Variants in DMD observed in about 807,000 individuals in gnomAD.
DMD encodes dystrophin, also known as mutant dystrophin.
A neutral mutation model predicts 330.1 loss-of-function variants in DMD; 63 were observed. The observed-to-expected ratio is 0.19, with a 90% CI of 0.16 to 0.24. DMD has a LOEUF of 0.24. Among genes scored for constraint, DMD ranks in the 10% least tolerant of loss-of-function variants. DMD has a pLI of 1.00. For missense variants in DMD, 3,344 were observed against 2,684.1 expected (o/e 1.25, Z -5.43); for synonymous variants, 1,223 against 959.8 (o/e 1.27, Z -5.07).
intron 64 of DMD, among the ~76,000 whole-genome samples, chrX:31,216,824 T>C (rs17283103): frequency 0.02 from 2,283 of 111,760 alleles, 22 homozygotes; most frequent in Middle Eastern, 0.037. Flanking sequence ...TGGTTTGTCA[T>C]GGTGAGGGCG....
chrX:32,310,491 T>C (rs1299488483), intron 41 of DMD, among the ~76,000 whole-genome samples: 3 of 111,301 alleles, frequency 2.7e-5, no homozygotes, highest in Non-Finnish European at 5.7e-5. Flanking sequence ...CATTTCATAA[T>C]AAGTGACACA....
At chrX:31,167,328 C>T (rs759412502) in intron 74 of DMD, among the ~76,000 whole-genome samples, 71 of 111,128 alleles carry the variant, frequency 6.4e-4, no homozygotes, top group Middle Eastern at 4.6e-3. Flanking sequence ...ATTAAATGAT[C>T]TAAAATATGT....
intron 1 of DMD, among the ~76,000 whole-genome samples, chrX:33,059,579 C>G (rs2094558265): frequency 9.0e-6 from 1 of 111,380 alleles, no homozygotes; most frequent in African/African-American, 3.3e-5. Flanking sequence ...TGTCAGGGAA[C>G]CCTGGGGTTG....
intron 55 of DMD, among the ~76,000 whole-genome samples, chrX:31,574,523 A>G (rs2076001456): frequency 9.0e-6 from 1 of 111,590 alleles, no homozygotes; most frequent in South Asian, 3.7e-4. Context: ...CAACAAGGAA[A>G]CTAGTGCTAT....
At position 32,287,603 on chromosome X, in the gene DMD, C is replaced by T. The variant is rs147685667; in HGVS notation, c.6216G>A (p.Val2072=). 8.3e-7 allele frequency: 1 copy of T among 1,208,592 alleles called. No individual in the cohort carries two copies. Among genetic ancestry groups the T allele is most frequent in the African/African-American group, 1.8e-5 (1 of 57,070 alleles). ...ALQSATPVER[V]KLQEALSQLD... ...GCTGGGAGAGAGCTTCCTGTAGCTTCACCCTTTCCACAGGCGTTGCACTTT... is the reference window on the plus strand; with the variant it reads ...GCTGGGAGAGAGCTTCCTGTAGCTTTACCCTTTCCACAGGCGTTGCACTTT... The change falls in exon 43 of 79, where the codon GTG becomes GTA. Residue 2072 remains valine (V), a synonymous_variant. Transcript: ENST00000357033.
chrX:32,406,744 C>G (rs1294750081), intron 30 of DMD, among the ~76,000 whole-genome samples: 1 of 110,890 alleles, frequency 9.0e-6, no homozygotes, highest in Non-Finnish European at 1.9e-5. Flanking sequence ...GCTACAGTAA[C>G]CAAAACAGCA....
intron 2 of DMD, among the ~76,000 whole-genome samples, chrX:32,974,949 G>A (rs2092496228): frequency 8.9e-6 from 1 of 111,899 alleles, no homozygotes; most frequent in Non-Finnish European, 1.9e-5. Flanking sequence ...ATGTTTACAG[G>A]CATGGGAGAG....
At chrX:31,453,708 T>G (rs1454716385) in intron 59 of DMD, among the ~76,000 whole-genome samples, 1 of 101,956 alleles carries the variant, frequency 9.8e-6, no homozygotes, top group Non-Finnish European at 2.0e-5. Context: ...TGGGAAAATG[T>G]TTCTATAATC....
chrX:32,023,003 T>G, intron 44 of DMD, among the ~76,000 whole-genome samples: 1 of 109,780 alleles, frequency 9.1e-6, no homozygotes. Flanking sequence ...CAGCTAATTT[T>G]ACTATTTTTA....
At chrX:33,304,518 T>C (rs1296422903) in intron 1 of DMD, among the ~76,000 whole-genome samples, 1 of 110,886 alleles carries the variant, frequency 9.0e-6, no homozygotes, top group Non-Finnish European at 1.9e-5. Flanking sequence ...AAGGACTTCA[T>C]GTCTAAAACA....
chrX:32,501,683 C>T, intron 19 of DMD, 72 bp downstream of exon 19: 1 of 762,118 alleles, frequency 1.3e-6, no homozygotes, highest in African/African-American at 2.0e-5. Flanking sequence ...TGATATAATT[C>T]AGCTGATAAA....
intron 44 of DMD, among the ~76,000 whole-genome samples, chrX:32,000,958 G>A (rs2095622221): frequency 9.0e-6 from 1 of 110,739 alleles, no homozygotes; most frequent in African/African-American, 3.3e-5. Flanking sequence ...TGAGCATAAT[G>A]GGTTGCATAC....
chrX:32,901,978 T>A (rs947388322), intron 2 of DMD, among the ~76,000 whole-genome samples: 1 of 110,641 alleles, frequency 9.0e-6, no homozygotes, highest in African/African-American at 3.3e-5. Context: ...ATGGATATTC[T>A]ATTTACAAAA....
chrX:33,335,019 G>A (rs1336767322), intron 1 of DMD, among the ~76,000 whole-genome samples: 2 of 110,939 alleles, frequency 1.8e-5, no homozygotes, highest in Non-Finnish European at 3.8e-5. Flanking sequence ...ACCCTCTTCT[G>A]CATTATAGCA....
At chrX:32,857,190 T>TC (rs2081646348) in intron 2 of DMD, among the ~76,000 whole-genome samples, 1 of 112,447 alleles carries the variant, frequency 8.9e-6, no homozygotes, top group Admixed American at 9.4e-5. Context: ...CCTGTATCAA[T>TC]ATATCTATTT....
intron 7 of DMD, among the ~76,000 whole-genome samples, chrX:32,714,937 G>T (rs187316012): frequency 1.8e-5 from 2 of 110,240 alleles, no homozygotes; most frequent in African/African-American, 3.3e-5. Context: ...TCACATAATC[G>T]TTCCCCCACC....
intron 57 of DMD, among the ~76,000 whole-genome samples, chrX:31,492,747 C>G (rs1342555320): frequency 9.1e-6 from 1 of 110,421 alleles, no homozygotes; most frequent in Non-Finnish European, 1.9e-5. Context: ...AAGCTGGAAA[C>G]CATCATTCTC....
chrX:31,836,640 A>T, intron 49 of DMD, 78 bp downstream of exon 49: 3 of 808,577 alleles, frequency 3.7e-6, no homozygotes, highest in Non-Finnish European at 1.9e-6. Context: ...TAAATAGTCC[A>T]CGTCAATGGC....
intron 1 of DMD, among the ~76,000 whole-genome samples, chrX:33,036,809 G>GTATATATATATATA (rs150933084): frequency 1.9e-5 from 2 of 105,840 alleles, no homozygotes; most frequent in African/African-American, 6.8e-5. Context: ...GCATGTGTGT[G>GTATATATATATATA]TATATATATA....
Sources: gnomAD v4.1 joint callset for allele counts (sites outside exome capture counted in the v4.1 genomes callset) on GRCh38, gnomAD v4.1.1 for gene constraint, MANE v1.5 for transcripts, NCBI Gene and HGNC (gene_info 2026-07-23, HGNC 2026-07-21) for gene names.